Variants in ARMC3 observed in about 807,000 individuals in gnomAD.
ARMC3 encodes the protein armadillo repeat-containing protein 3.
In ARMC3, 74 loss-of-function variants were observed where a neutral mutation model predicts 90.3. That is an observed-to-expected ratio of 0.82 (90% confidence interval 0.68 to 0.99). The LOEUF (loss-of-function observed/expected upper bound fraction) is 0.99, where lower values mean the gene tolerates loss of function less well. Ranked by LOEUF, ARMC3 falls within the 50% of genes least tolerant of loss-of-function variation. The probability of loss-of-function intolerance (pLI) is 0.00; values close to 1 mark genes in which losing one functional copy is unlikely to be tolerated. For missense variants in ARMC3, 958 were observed against 1,042.8 expected (o/e 0.92, Z 1.12); for synonymous variants, 334 against 361.8 (o/e 0.92, Z 0.87).
In ARMC3 at chr10:23,003,311, C is replaced by G; in HGVS notation, c.1628C>G (p.Ala543Gly). 6.2e-7 allele frequency: 1 copy of G among 1,613,540 alleles called. No homozygotes were observed. Among genetic ancestry groups the G allele is most frequent in the Non-Finnish European group, 8.5e-7 (1 of 1,179,728 alleles). ...CGGAAAAATAAATTCAGTGAGGCAG[C>G]TTATAATAAGTTGCTCAATAACAAT... is the stretch of plus-strand genomic sequence containing the variant. ...GTRKNKFSEA[A>G]YNKLLNNNLS... The change falls in exon 13 of 19, where the codon GCT becomes GGT. Residue 543 changes from alanine (A) to glycine (G), a missense_variant. Ala to Gly is a moderately conservative substitution (Grantham distance 60). Transcript: ENST00000298032.
chr10:23,007,033 T>TGGAGAAACAACAACAACAA, intron 14 of ARMC3, 52 bp downstream of exon 14: 1 of 1,420,480 alleles, frequency 7.0e-7, no homozygotes, highest in Non-Finnish European at 9.6e-7. Context: ...TGCTTGTTGT[T>TGGAGAAACAACAACAACAA]GTTGTTTCTC....
intron 2 of ARMC3, among the ~76,000 whole-genome samples, chr10:22,932,425 A>G (rs1833967278): frequency 6.6e-6 from 1 of 152,300 alleles, no homozygotes; most frequent in East Asian, 1.9e-4. Context: ...TAGCTATTAG[A>G]TATGTATATA....
intron 10 of ARMC3, 151 bp downstream of exon 10, chr10:22,981,851 G>T (rs1043478940): frequency 1.3e-5 from 9 of 679,448 alleles, no homozygotes; most frequent in Non-Finnish European, 2.2e-5. Context: ...TTATGAAACA[G>T]AATCATCAGA....
intron 3 of ARMC3, among the ~76,000 whole-genome samples, chr10:22,954,477 C>G (rs889392224): frequency 6.7e-6 from 1 of 148,956 alleles, no homozygotes; most frequent in South Asian, 2.1e-4. Flanking sequence ...GCCTGGGAAA[C>G]ATAGTGAGAC....
intron 10 of ARMC3, among the ~76,000 whole-genome samples, chr10:22,992,994 C>T (rs1326589801): frequency 1.3e-4 from 4 of 29,872 alleles, no homozygotes; most frequent in South Asian, 1.8e-3. Flanking sequence ...ACAAAACTCA[C>T]GGAGACATGA....
chr10:22,995,138 T>C lies in ARMC3; in HGVS notation c.1176-3010T>C, dbSNP rs192012808. On this transcript the variant is annotated intron_variant, in intron 10 of 18. Coordinates refer to ENST00000298032, the MANE Select transcript of ARMC3 (RefSeq NM_173081.5). ...AACCAAAATAATGGCTTTAAAAATA[T>C]GACAGGCTTCAGCTTGTGTACAGGG... Among the ~76,000 whole-genome samples the C allele has an allele frequency of 2.1e-3, 318 of 152,348 alleles. 1 individual carries two copies. The highest frequency in any genetic ancestry group is 7.4e-3 in the African/African-American group (309 of 41,592).
chr10:23,032,997 T>G lies in ARMC3; in HGVS notation c.2383T>G (p.Phe795Val). 6.2e-7 allele frequency: 1 copy of G among 1,612,884 alleles called. No homozygotes were observed. Among genetic ancestry groups the G allele is most frequent in the Non-Finnish European group, 8.5e-7 (1 of 1,179,282 alleles). The change falls in exon 18 of 19, where the codon TTC (phenylalanine) becomes GTC (valine). Residue 795 changes from phenylalanine to valine, a missense_variant. Transcript: ENST00000298032. Reference sequence around the variant, plus strand: ...GATTGGACATGTCAAAAAAGGAATCTTCTACCATCGAGCTTTGCTTTTCAA... The same window carrying G: ...GATTGGACATGTCAAAAAAGGAATCGTCTACCATCGAGCTTTGCTTTTCAA... ...IPIGHVKKGI[F>V]YHRALLFKAL...
intron 16 of ARMC3, among the ~76,000 whole-genome samples, chr10:23,025,460 A>G (rs1838681800): frequency 6.6e-6 from 1 of 152,140 alleles, no homozygotes; most frequent in South Asian, 2.1e-4. Flanking sequence ...AAAATCTCTA[A>G]ACAAGTGAAA....
chr10:22,969,980 G>A lies in ARMC3; in HGVS notation c.916+1491G>A, dbSNP rs137907783. Among the ~76,000 whole-genome samples, 527 of 152,170 alleles carry A rather than the reference G, an allele frequency of 3.5e-3. 7 individuals are homozygous for A. Among genetic ancestry groups the A allele is most frequent in the African/African-American group, 0.011 (470 of 41,522 alleles). On this transcript the variant is annotated intron_variant, in intron 8 of 18. Transcript: ENST00000298032. Reference sequence around the variant, plus strand: ...CTAGTTCCACTACTGGCATTGTAACGACCTACTTAAGTGATTTTGAGTGAA... The same window carrying A: ...CTAGTTCCACTACTGGCATTGTAACAACCTACTTAAGTGATTTTGAGTGAA...
intron 16 of ARMC3, among the ~76,000 whole-genome samples, chr10:23,019,838 A>G (rs1838437316): frequency 6.6e-6 from 1 of 152,090 alleles, no homozygotes; most frequent in Admixed American, 6.6e-5. Context: ...AGCCATCACC[A>G]TGCAGCCACG....
rs116542495 is a variant in ARMC3 at position 23,004,932 on chromosome 10, G to T, written c.1731+1518G>T. ...AAAGCTGTTTTAAGAAAACCAAGAG[G>T]GGGGCCGGGCGTGGTGGCTCACGCC... is the stretch of plus-strand genomic sequence containing the variant. On this transcript the variant is annotated intron_variant, in intron 13 of 18. Transcript: ENST00000298032. Among the ~76,000 whole-genome samples the T allele has an allele frequency of 8.5e-3, 1,301 of 152,200 alleles. 18 individuals are homozygous for T. The highest frequency in any genetic ancestry group is 0.029 in the African/African-American group (1,219 of 41,518).
intron 16 of ARMC3, among the ~76,000 whole-genome samples, chr10:23,015,128 G>A (rs896621225): frequency 2.6e-4 from 39 of 152,146 alleles, no homozygotes; most frequent in Non-Finnish European, 5.9e-5. Context: ...TCAATTACAT[G>A]TGAAGTGTTC....
chr10:22,936,902 A>G (rs1297774020), intron 2 of ARMC3, among the ~76,000 whole-genome samples: 12 of 151,952 alleles, frequency 7.9e-5, no homozygotes, highest in African/African-American at 2.7e-4. Flanking sequence ...CATACCCCAT[A>G]TTATCTTTTT....
Position 22,981,511 on chromosome 10 carries a change from A to G in ARMC3, c.1069+19A>G. The stretch of plus-strand genomic sequence containing the variant: ...AATCAGGGTAAGTCAACTGGAAACA[A>G]TTCTTTTGAGCATTTTTAGGTTACC... On this transcript the variant is annotated intron_variant, in intron 9 of 18. Transcript: ENST00000298032. The G allele has an allele frequency of 6.2e-7, 1 of 1,613,592 alleles. No individual in the cohort carries two copies. Among genetic ancestry groups the G allele is most frequent in the Non-Finnish European group, 8.5e-7 (1 of 1,179,708 alleles).
intron 1 of ARMC3, among the ~76,000 whole-genome samples, chr10:22,928,625 C>T (rs1307854502): frequency 6.6e-6 from 1 of 152,024 alleles, no homozygotes; most frequent in African/African-American, 2.4e-5. Context: ...AGAGATTTAT[C>T]CTAAAGAAAT....
intron 7 of ARMC3, among the ~76,000 whole-genome samples, chr10:22,963,918 CACACAAAAAAAAAAAAA>C (rs1835326124): frequency 1.9e-5 from 1 of 51,752 alleles, no homozygotes; most frequent in Admixed American, 2.3e-4. Flanking sequence ...CACACACACA[CACACAAAAAAAAAAAAA>C]AAAAAAAAAA....
At position 22,998,314 on chromosome 10, in the gene ARMC3, C is replaced by G. The variant is rs1384674611; in HGVS notation, c.1342C>G (p.Leu448Val). ...CATCATGCATGCCATCATCAGCCCACTGCGTTCTGCAAACACAGTCGTGCA... is the reference window on the plus strand; with the variant it reads ...CATCATGCATGCCATCATCAGCCCAGTGCGTTCTGCAAACACAGTCGTGCA... ...HDIMHAIISPLRSANTVVQSK... is the reference protein window; with the variant it reads ...HDIMHAIISPVRSANTVVQSK... The change falls in exon 11 of 19, where the codon CTG becomes GTG. Residue 448 changes from leucine (L) to valine (V), a missense_variant. Coordinates refer to ENST00000298032, the MANE Select transcript of ARMC3 (RefSeq NM_173081.5). 6.2e-7 allele frequency: 1 copy of G among 1,613,278 alleles called. No homozygotes were observed. The highest frequency in any genetic ancestry group is 8.5e-7 in the Non-Finnish European group (1 of 1,179,604).
chr10:23,025,244 GCAACCAACAAGATCT>G (rs1838670565), intron 16 of ARMC3, among the ~76,000 whole-genome samples: 1 of 151,938 alleles, frequency 6.6e-6, no homozygotes, highest in South Asian at 2.1e-4. Context: ...AGCAACAGCA[GCAACCAACAAGATCT>G]CATTGACATA....
chr10:23,017,491 A>T (rs1050441261), intron 16 of ARMC3, among the ~76,000 whole-genome samples: 1 of 152,210 alleles, frequency 6.6e-6, no homozygotes, highest in Admixed American at 6.5e-5. Flanking sequence ...TTGACCGGGC[A>T]TGGTGGCTCA....
Sources: gnomAD v4.1 joint callset for allele counts (sites outside exome capture counted in the v4.1 genomes callset) on GRCh38, gnomAD v4.1.1 for gene constraint, MANE v1.5 for transcripts, NCBI Gene and HGNC (gene_info 2026-07-23, HGNC 2026-07-21) for gene names.